The following TRIM36 variants were observed in gnomAD, a reference collection of about 807,000 sequenced individuals.
The protein encoded by TRIM36 is tripartite motif containing 36.
TRIM36 carries 42 observed loss-of-function variants against 72.4 expected under a neutral mutation model. The ratio of observed to expected loss-of-function variants is 0.58; its 90% CI spans 0.45 to 0.75. The LOEUF is 0.75. Ranked by LOEUF, TRIM36 falls within the 30% of genes least tolerant of loss-of-function variation. The pLI, the probability that TRIM36 is intolerant of heterozygous loss-of-function variation, is 0.00. For synonymous variants in TRIM36, 315 were observed against 282.8 expected (o/e 1.11, Z -1.14); for missense variants, 913 against 857.1 (o/e 1.07, Z -0.81).
intron 2 of TRIM36, among the ~76,000 whole-genome samples, chr5:115,147,630 G>A (rs1753667042): frequency 6.6e-6 from 1 of 152,078 alleles, no homozygotes. Context: ...ATATTCTACA[G>A]TAAACCCACA....
intron 4 of TRIM36, 147 bp downstream of exon 4, chr5:115,144,451 C>CTAAT: frequency 1.1e-6 from 1 of 948,472 alleles, no homozygotes; most frequent in Non-Finnish European, 1.5e-6. Flanking sequence ...TACTAACAAC[C>CTAAT]TAATATTAGT....
upstream of TRIM36, chr5:115,171,369 C>T: frequency 2.6e-6 from 3 of 1,172,878 alleles, no homozygotes; most frequent in Non-Finnish European, 3.5e-6. Context: ...GATTAATGCC[C>T]GTTGCGTGGC....
Position 115,169,688 on chromosome 5 carries a change from G to A in TRIM36, c.-54C>T, listed in dbSNP as rs1419768065. On this transcript the variant is annotated 5_prime_UTR_variant, in exon 1 of 10. Coordinates refer to ENST00000513154, the MANE Select transcript of TRIM36 (RefSeq NM_001300759.2). ...GCACGTTCCACTCACACCGGCTACC[G>A]AGCGCAGGGTCTGGTGGGCGGGTCC... The A allele has an allele frequency of 2.6e-6, 4 of 1,510,132 alleles. No homozygotes were observed. Among genetic ancestry groups the A allele is most frequent in the Non-Finnish European group, 3.5e-6 (4 of 1,132,464 alleles). 93.5% of individuals were successfully genotyped at this position (1,510,132 alleles called of 1,614,324 possible).
upstream of TRIM36, among the ~76,000 whole-genome samples, chr5:115,170,128 C>T (rs1023608763): frequency 3.3e-5 from 5 of 152,220 alleles, no homozygotes; most frequent in Non-Finnish European, 5.9e-5. Context: ...CCACCTTCCC[C>T]CTACGCATCA....
intron 1 of TRIM36, among the ~76,000 whole-genome samples, chr5:115,164,451 T>A (rs1754652278): frequency 6.6e-6 from 1 of 152,200 alleles, no homozygotes. Flanking sequence ...TCCACATGGC[T>A]AGGGAGTCCT....
intron 1 of TRIM36, among the ~76,000 whole-genome samples, chr5:115,178,191 T>C (rs932825889): frequency 2.0e-5 from 3 of 152,224 alleles, no homozygotes; most frequent in Non-Finnish European, 2.9e-5. Flanking sequence ...AAGGAAAGCA[T>C]AGCCAACTAA....
intron 2 of TRIM36, among the ~76,000 whole-genome samples, chr5:115,162,571 T>A (rs1754539825): frequency 6.6e-6 from 1 of 152,226 alleles, no homozygotes; most frequent in Non-Finnish European, 1.5e-5. Flanking sequence ...TGTATATAAG[T>A]GCAATCTAAT....
intron 3 of TRIM36, among the ~76,000 whole-genome samples, chr5:115,146,282 A>T (rs992778616): frequency 1.3e-5 from 2 of 152,196 alleles, no homozygotes; most frequent in Non-Finnish European, 2.9e-5. Flanking sequence ...ACAGTTTCAA[A>T]AACACTTTTG....
Position 115,126,675 on chromosome 5 carries a change from C to T in TRIM36, c.1979G>A (p.Cys660Tyr), listed in dbSNP as rs774031442. The T allele has an allele frequency of 2.5e-6, 4 of 1,614,042 alleles. No individual in the cohort carries two copies. Among genetic ancestry groups the T allele is most frequent in the African/African-American group, 1.3e-5 (1 of 74,914 alleles). ...ATAGAAATCTACTTTGCCTTTATCA[C>T]AGTCAAGGAAAATCCCAATACTTGT... ...MPTSIGIFLD[C>Y]DKGKVDFYDM... Residue 660 changes from cysteine to tyrosine, a missense_variant, in exon 10 of 10, where the codon TGT (cysteine) becomes TAT (tyrosine). Cys to Tyr is a radical substitution (Grantham distance 194, BLOSUM62 -2). Transcript: ENST00000513154.
intron 7 of TRIM36, 73 bp downstream of exon 7, chr5:115,136,927 G>C (rs1394323592): frequency 7.9e-6 from 11 of 1,396,734 alleles, no homozygotes; most frequent in Non-Finnish European, 1.0e-5. Context: ...AAATTTAAGA[G>C]AACTTGTGTT....
At chr5:115,133,835 T>G in intron 8 of TRIM36, 25 bp downstream of exon 8, 3 of 1,545,714 alleles carry the variant, frequency 1.9e-6, no homozygotes, top group Non-Finnish European at 2.6e-6. Context: ...CTCTATGCTT[T>G]TTTTATTCCT....
At chr5:115,168,014 C>T (rs999271122) in intron 1 of TRIM36, among the ~76,000 whole-genome samples, 2 of 152,078 alleles carry the variant, frequency 1.3e-5, no homozygotes, top group African/African-American at 4.8e-5. Context: ...GAGAATACTG[C>T]CTTATAAAAC....
At chr5:115,162,705 C>T (rs1561443940) in intron 2 of TRIM36, among the ~76,000 whole-genome samples, 1 of 151,904 alleles carries the variant, frequency 6.6e-6, no homozygotes, top group African/African-American at 2.4e-5. Flanking sequence ...GATCTACCAG[C>T]AGAATATCAA....
intron 2 of TRIM36, among the ~76,000 whole-genome samples, chr5:115,161,465 G>T (rs1580696522): frequency 6.6e-6 from 1 of 152,176 alleles, no homozygotes; most frequent in South Asian, 2.1e-4. Context: ...GATACTGATG[G>T]CCCAAATGCT....
In TRIM36 at chr5:115,134,125, A is replaced by C; in HGVS notation, c.1233T>G (p.Asn411Lys). The change falls in exon 8 of 10, where the codon AAT becomes AAG. Residue 411 changes from asparagine to lysine, a missense_variant. Coordinates refer to ENST00000513154, the MANE Select transcript of TRIM36 (RefSeq NM_001300759.2). Reference protein sequence around the residue: ...FSSGIDVPEINEEQSKVYNNA... With the variant: ...FSSGIDVPEIKEEQSKVYNNA... ...TGTTATAAACTTTGCTCTGTTCCTC[A>C]TTGATCTCTGGCACGTCTATGCCTG... 2 of 1,599,510 alleles carry C rather than the reference A, an allele frequency of 1.3e-6. No homozygotes were observed. The highest frequency in any genetic ancestry group is 1.7e-6 in the Non-Finnish European group (2 of 1,172,520).
intron 1 of TRIM36, chr5:115,177,397 G>T: frequency 2.4e-6 from 1 of 410,270 alleles, no homozygotes; most frequent in Non-Finnish European, 3.4e-6. Flanking sequence ...TGGTGGGGCG[G>T]AGGGCAGGCC....
intron 1 of TRIM36, chr5:115,168,859 G>T (rs562926668): frequency 6.6e-6 from 1 of 152,308 alleles, no homozygotes; most frequent in Non-Finnish European, 1.5e-5. Context: ...GTCAGTTCAG[G>T]TTTACTTGTC....
intron 6 of TRIM36, 108 bp from the exon 7 acceptor site, chr5:115,137,232 G>T: frequency 1.4e-6 from 2 of 1,473,580 alleles, no homozygotes; most frequent in African/African-American, 1.4e-5. Context: ...CAAAATTAAA[G>T]TTAAGAATGA....
chr5:115,178,339 C>T (rs926994378), intron 1 of TRIM36, among the ~76,000 whole-genome samples: 26 of 152,342 alleles, frequency 1.7e-4, no homozygotes, highest in African/African-American at 6.0e-4. Flanking sequence ...TCCCTGCCCC[C>T]TAGCCCCTCA....
Sources: gnomAD v4.1 joint callset for allele counts (sites outside exome capture counted in the v4.1 genomes callset) on GRCh38, gnomAD v4.1.1 for gene constraint, MANE v1.5 for transcripts, NCBI Gene and HGNC (gene_info 2026-07-23, HGNC 2026-07-21) for gene names.